CD8B: variants seen among roughly 807,000 people sequenced by gnomAD.
The protein encoded by CD8B is CD8 subunit beta, also known as T-cell surface glycoprotein CD8 beta chain.
In CD8B, 6 loss-of-function variants were observed where a neutral mutation model predicts 24.2. The observed-to-expected ratio is 0.25, with a 90% CI of 0.14 to 0.49. The LOEUF (loss-of-function observed/expected upper bound fraction) is 0.49. Among genes scored for constraint, CD8B ranks in the 20% least tolerant of loss-of-function variants. The pLI is 0.98. For missense variants in CD8B, 196 were observed against 271.3 expected, an observed-to-expected ratio of 0.72 and a Z score of 1.95; for synonymous variants, 84 against 108.3, an observed-to-expected ratio of 0.78 and a Z score of 1.39.
chr2:86,815,741 A>G (rs1297725710), intron 5 of CD8B: 1 of 1,256,482 alleles, frequency 8.0e-7, no homozygotes, highest in Non-Finnish European at 1.2e-6. Context: ...AAAACAAGAG[A>G]GTCTCAATAC....
chr2:86,844,629 C>T, intron 5 of CD8B: 1 of 1,453,446 alleles, frequency 6.9e-7, no homozygotes, highest in Non-Finnish European at 9.1e-7. Flanking sequence ...TCTATCACCC[C>T]ATCTATTTAT....
downstream of CD8B, among the ~76,000 whole-genome samples, chr2:86,835,278 G>A (rs1257197124): frequency 3.3e-5 from 5 of 152,124 alleles, no homozygotes; most frequent in Non-Finnish European, 7.3e-5. Flanking sequence ...GCCCACAAAA[G>A]GACTTCAACC....
intron 1 of CD8B, among the ~76,000 whole-genome samples, chr2:86,861,485 C>A (rs1415336497): frequency 1.3e-5 from 2 of 152,194 alleles, no homozygotes; most frequent in African/African-American, 4.8e-5. Context: ...GGACCCTGGG[C>A]AGGGACCTGT....
In CD8B at chr2:86,861,813, G is replaced by A. The variant is rs1370094271; in HGVS notation, c.43+10C>T. On this transcript the variant is annotated intron_variant, in intron 1 of 5. Transcript: ENST00000390655. ...CAGACCCTTGGGTAGCCCGCGCGCCGCCGCCTTACCTGTCAGCTGCGCGGC... is the reference window on the plus strand; with the variant it reads ...CAGACCCTTGGGTAGCCCGCGCGCCACCGCCTTACCTGTCAGCTGCGCGGC... 7.9e-7 allele frequency: 1 copy of A among 1,272,334 alleles called. No individual in the cohort carries two copies. The highest frequency in any genetic ancestry group is 2.9e-5 in the South Asian group (1 of 34,828). The allele number at this position is 1,272,334 out of a possible 1,614,324, so 78.8% of individuals were successfully genotyped here. A position where few individuals can be genotyped will look rare whatever the true frequency, so the allele number is the denominator to read the frequency against.
Position 86,846,776 on chromosome 2 carries a change from G to A in CD8B, c.494-3C>T, listed in dbSNP as rs771639144. ...GGTGATGGGGCTACAAAGTGGGCCT[G>A]GAAAACACACATGTGACATGTGTTC... On this transcript the variant is annotated splice_region_variant and splice_polypyrimidine_tract_variant and intron_variant, in intron 3 of 5. Transcript: ENST00000390655. 8 of 1,565,882 alleles carry A rather than the reference G, an allele frequency of 5.1e-6. No individual in the cohort carries two copies. Among genetic ancestry groups the A allele is most frequent in the Non-Finnish European group, 6.1e-6 (7 of 1,152,506 alleles).
At chr2:86,856,559 A>G (rs1248176196) in intron 2 of CD8B, among the ~76,000 whole-genome samples, 1 of 151,820 alleles carries the variant, frequency 6.6e-6, no homozygotes, top group Non-Finnish European at 1.5e-5. Context: ...CTGCCCCTGC[A>G]CTTCCTCACG....
downstream of CD8B, among the ~76,000 whole-genome samples, chr2:86,833,227 C>T (rs1462903093): frequency 6.8e-6 from 1 of 146,888 alleles, no homozygotes; most frequent in African/African-American, 2.5e-5. Context: ...TGGAGTCTCA[C>T]TCTGTTGCCC....
Position 86,830,577 on chromosome 2 carries a change from A to C in CD8B, c.620+14345T>G, listed in dbSNP as rs150037609. ...GTGAGACTCTGTCTCCAAAAAAAAAAAATTATTATTATTATTGTGCATAAC... is the reference window on the plus strand; with the variant it reads ...GTGAGACTCTGTCTCCAAAAAAAAACAATTATTATTATTATTGTGCATAAC... On this transcript the variant is annotated intron_variant, in intron 5 of 5. Coordinates refer to the CD8B transcript ENST00000331469. Among the ~76,000 whole-genome samples, 1,046 of 152,116 alleles carry C rather than the reference A, an allele frequency of 6.9e-3. 14 individuals are homozygous for C. Among genetic ancestry groups the C allele is most frequent in the African/African-American group, 0.024 (994 of 41,490 alleles).
downstream of CD8B, among the ~76,000 whole-genome samples, chr2:86,834,467 TAC>T (rs59177290): frequency 7.2e-4 from 105 of 146,776 alleles, 1 homozygote; most frequent in South Asian, 0.015. Context: ...TTTCTTCTCT[TAC>T]ACACACACAC....
chr2:86,827,830 A>G (rs1238214966), intron 5 of CD8B, among the ~76,000 whole-genome samples: 1 of 152,216 alleles, frequency 6.6e-6, no homozygotes, highest in African/African-American at 2.4e-5. Context: ...CACCCACAAC[A>G]AAAGTAGAGG....
chr2:86,829,737 C>G (rs1281855598), intron 5 of CD8B, among the ~76,000 whole-genome samples: 1 of 152,162 alleles, frequency 6.6e-6, no homozygotes, highest in Non-Finnish European at 1.5e-5. Context: ...TGCCTATTGT[C>G]CCTCTGGCAA....
At chr2:86,846,822 A>T (rs141403194) in intron 3 of CD8B, 49 bp from the exon 4 acceptor site, 3 of 1,301,146 alleles carry the variant, frequency 2.3e-6, no homozygotes, top group Non-Finnish European at 3.3e-6. Context: ...ATTTTTCTGC[A>T]TGAGACACGC....
At chr2:86,819,277 G>A (rs1674375099) in intron 5 of CD8B, among the ~76,000 whole-genome samples, 1 of 152,172 alleles carries the variant, frequency 6.6e-6, no homozygotes, top group African/African-American at 2.4e-5. Context: ...TGACAAAGGT[G>A]GCTACACTAA....
rs1304261255 is a variant in CD8B, at chr2:86,841,588, A to C, written c.*719T>G. The C allele has an allele frequency of 2.0e-6, 2 of 985,172 alleles. No homozygotes were observed. Among genetic ancestry groups the C allele is most frequent in the Admixed American group, 1.2e-4 (2 of 16,264 alleles). 61.0% of individuals were successfully genotyped at this position (985,172 alleles called of 1,614,324 possible). On this transcript the variant is annotated 3_prime_UTR_variant, in exon 6 of 6. Transcript: ENST00000390655. ...GTTTATGTCACAGGAGCCGTTTGTT[A>C]TCTTTAACCTGGGACTTTATTTGTA... is the stretch of plus-strand genomic sequence containing the variant.
At chr2:86,835,911 G>A (rs1200458094), downstream of CD8B, among the ~76,000 whole-genome samples, 2 of 151,946 alleles carry the variant, frequency 1.3e-5, no homozygotes, top group Non-Finnish European at 2.9e-5. Flanking sequence ...CCACGCAAGT[G>A]CCAGCCTTGA....
chr2:86,823,962 G>A (rs968504372), intron 5 of CD8B, among the ~76,000 whole-genome samples: 3 of 151,968 alleles, frequency 2.0e-5, no homozygotes, highest in African/African-American at 7.3e-5. Context: ...GGGGCACAGA[G>A]CTGGAGGACG....
intron 1 of CD8B, 70 bp downstream of exon 1, chr2:86,861,753 C>G: frequency 1.7e-6 from 2 of 1,150,132 alleles, no homozygotes; most frequent in Non-Finnish European, 2.2e-6. Context: ...GCCAGGACAG[C>G]CACTTATCAC....
chr2:86,837,548 C>T (rs1328944225), downstream of CD8B, among the ~76,000 whole-genome samples: 3 of 151,838 alleles, frequency 2.0e-5, no homozygotes, highest in Admixed American at 2.0e-4. Flanking sequence ...CCTCTGAAGA[C>T]AGGGCTCTTT....
At position 86,844,652 on chromosome 2, in the gene CD8B, T is replaced by G. The variant is rs901398165; in HGVS notation, c.620+270A>C. The G allele has an allele frequency of 3.4e-6, 5 of 1,469,842 alleles. No individual in the cohort carries two copies. The Admixed American group carries it at 1.0e-4, about 30-fold the overall frequency. 91.0% of individuals were successfully genotyped at this position (1,469,842 alleles called of 1,614,324 possible). ...CCCATCTATTTATACAGTCTGTAAT[T>G]TTTTTTTTTAGATGGAGTCTCACTC... On this transcript the variant is annotated intron_variant, in intron 5 of 5. Coordinates refer to ENST00000390655, the MANE Select transcript of CD8B (RefSeq NM_004931.5).
Sources: allele counts gnomAD v4.1 joint callset (sites outside exome capture counted in the v4.1 genomes callset), GRCh38; gene constraint gnomAD v4.1.1; transcripts MANE v1.5; gene names NCBI Gene and HGNC (gene_info 2026-07-23, HGNC 2026-07-21).